The following EIF4E variants were observed in gnomAD, a reference collection of about 807,000 sequenced individuals.
EIF4E encodes the protein eukaryotic translation initiation factor 4E.
For synonymous variants in EIF4E, 71 were observed against 88.5 expected, an observed-to-expected ratio of 0.80 and a Z score of 1.11; for missense variants, 113 against 265.6, an observed-to-expected ratio of 0.43 and a Z score of 3.99.
At chr4:98,914,775 C>T (rs1467804656) in intron 1 of EIF4E, among the ~76,000 whole-genome samples, 1 of 152,080 alleles carries the variant, frequency 6.6e-6, no homozygotes, top group African/African-American at 2.4e-5. Flanking sequence ...AAAGTATGAA[C>T]TTTGGGTGAC....
intron 1 of EIF4E, among the ~76,000 whole-genome samples, chr4:98,924,246 G>A (rs975643913): frequency 6.6e-6 from 1 of 151,882 alleles, no homozygotes; most frequent in Non-Finnish European, 1.5e-5. Context: ...GCCCAGCTAA[G>A]TTTTGTATTT....
At chr4:98,895,937 C>A (rs1192333225) in intron 2 of EIF4E, among the ~76,000 whole-genome samples, 3 of 152,150 alleles carry the variant, frequency 2.0e-5, no homozygotes, top group Non-Finnish European at 4.4e-5. Flanking sequence ...GTGGCTCACG[C>A]CCGTAATCCC....
rs193016022 is a variant in EIF4E at position 98,926,690 on chromosome 4, A to G, written c.18+2405T>C. Among the ~76,000 whole-genome samples, 179 of 152,352 alleles carry G rather than the reference A, an allele frequency of 1.2e-3. 1 individual carries two copies. The highest frequency in any genetic ancestry group is 6.8e-3 in the Middle Eastern group (2 of 292). ...TTTAAACATAACATCCAAATCTCCC[A>G]AAGTCTGTACCAGAACAAATACTGT... On this transcript the variant is annotated intron_variant, in intron 1 of 6. Transcript: ENST00000450253.
At chr4:98,884,628 C>G (rs969876375) in intron 6 of EIF4E, among the ~76,000 whole-genome samples, 1 of 152,006 alleles carries the variant, frequency 6.6e-6, no homozygotes. Context: ...CTCCTGAACC[C>G]GGGAGGCGGA....
In EIF4E at chr4:98,880,940, A is replaced by T; in HGVS notation, c.*88T>A. On this transcript the variant is annotated 3_prime_UTR_variant, in exon 7 of 7. Transcript: ENST00000450253. ...TGGAAATCAAATTTAAATGCAGTCC[A>T]CTCTGCTTTTTGAAGAGGCTTTGGT... 6.5e-7 allele frequency: 1 copy of T among 1,538,064 alleles called. No individual in the cohort carries two copies. The highest frequency in any genetic ancestry group is 8.8e-7 in the Non-Finnish European group (1 of 1,137,732).
chr4:98,906,645 A>G (rs561120430), intron 1 of EIF4E, among the ~76,000 whole-genome samples: 1 of 152,272 alleles, frequency 6.6e-6, no homozygotes, highest in East Asian at 1.9e-4. Flanking sequence ...AGGAGTTCTA[A>G]GGCTGCGGTG....
Position 98,885,070 on chromosome 4 carries a change from A to G in EIF4E, c.400-9T>C, listed in dbSNP as rs760805893. 3 of 1,609,822 alleles carry G rather than the reference A, an allele frequency of 1.9e-6. No homozygotes were observed. Among genetic ancestry groups the G allele is most frequent in the African/African-American group, 1.3e-5 (1 of 74,744 alleles). ...CCAATAAGGCACAGAAGCTTAAAAAAAAATCCCAAATTACATTTAATAGAT... is the reference window on the plus strand; with the variant it reads ...CCAATAAGGCACAGAAGCTTAAAAAGAAATCCCAAATTACATTTAATAGAT... On this transcript the variant is annotated splice_polypyrimidine_tract_variant and intron_variant, in intron 5 of 6. Coordinates refer to ENST00000450253, the MANE Select transcript of EIF4E (RefSeq NM_001968.5).
Position 98,887,750 on chromosome 4 carries a change from TA to T in EIF4E, c.285+138del. On this transcript the variant is annotated intron_variant, in intron 4 of 6. Coordinates refer to ENST00000450253, the MANE Select transcript of EIF4E (RefSeq NM_001968.5). The surrounding 1 kb of genome is among the most constrained non-coding windows in gnomAD (Gnocchi z 4.0). Reference sequence around the variant, plus strand: ...CAAATAGAATAAGATATATTGATACTAAAGCATACTACAGCCAATTAAATTA... The same window carrying T: ...CAAATAGAATAAGATATATTGATACTAAGCATACTACAGCCAATTAAATTA... 1 of 732,812 alleles carries T rather than the reference TA, an allele frequency of 1.4e-6. No individual in the cohort carries two copies. Among genetic ancestry groups the T allele is most frequent in the Non-Finnish European group, 2.3e-6 (1 of 427,830 alleles). 45.4% of individuals were successfully genotyped at this position (732,812 alleles called of 1,614,324 possible).
intron 3 of EIF4E, among the ~76,000 whole-genome samples, chr4:98,888,181 C>G (rs942798391): frequency 4.6e-5 from 7 of 152,056 alleles, no homozygotes; most frequent in African/African-American, 1.7e-4. Flanking sequence ...AGTGACTGCT[C>G]TGACAAAAAT....
In EIF4E at chr4:98,879,405, C is replaced by A. The variant is rs1031265245; in HGVS notation, c.*1623G>T. 6.6e-6 allele frequency: 1 copy of A among 152,128 alleles called. No homozygotes were observed. Among genetic ancestry groups the A allele is most frequent in the Non-Finnish European group, 1.5e-5 (1 of 68,002 alleles). The allele number at this position is 152,128 out of a possible 1,614,324, so 9.4% of individuals were successfully genotyped here. A position where few individuals can be genotyped will look rare whatever the true frequency, so the allele number is the denominator to read the frequency against. On this transcript the variant is annotated 3_prime_UTR_variant, in exon 7 of 7. Transcript: ENST00000450253. ...ATAATAATTTCCATTCTGCTACCTACAGTTTGGCTTATCCTTTGGTCTGAT... is the reference window on the plus strand; with the variant it reads ...ATAATAATTTCCATTCTGCTACCTAAAGTTTGGCTTATCCTTTGGTCTGAT...
intron 1 of EIF4E, among the ~76,000 whole-genome samples, chr4:98,902,937 C>G (rs947854158): frequency 6.6e-6 from 1 of 152,202 alleles, no homozygotes; most frequent in African/African-American, 2.4e-5. Flanking sequence ...TCATGGCATA[C>G]TGTTTACCCT....
At chr4:98,883,120 T>C (rs1723767762) in intron 6 of EIF4E, among the ~76,000 whole-genome samples, 1 of 151,996 alleles carries the variant, frequency 6.6e-6, no homozygotes, top group Admixed American at 6.6e-5. Context: ...ACCCTGTCTC[T>C]ACAAAAACTA....
chr4:98,894,689 T>C (rs1430750241), intron 2 of EIF4E, among the ~76,000 whole-genome samples: 1 of 152,226 alleles, frequency 6.6e-6, no homozygotes, highest in Non-Finnish European at 1.5e-5. Context: ...ACTTACTCTA[T>C]ATCAGCAATA....
At chr4:98,884,691 G>A (rs1375330368) in intron 6 of EIF4E, among the ~76,000 whole-genome samples, 1 of 152,070 alleles carries the variant, frequency 6.6e-6, no homozygotes, top group African/African-American at 2.4e-5. Flanking sequence ...CTGGACAACA[G>A]AGTGAGACTC....
chr4:98,905,064 A>G (rs1724811897), intron 1 of EIF4E, among the ~76,000 whole-genome samples: 1 of 152,104 alleles, frequency 6.6e-6, no homozygotes, highest in African/African-American at 2.4e-5. Flanking sequence ...ATTGCTTCCT[A>G]TAGACACTAA....
chr4:98,901,442 G>A (rs1477698091), intron 2 of EIF4E, among the ~76,000 whole-genome samples: 5 of 151,332 alleles, frequency 3.3e-5, no homozygotes, highest in African/African-American at 1.2e-4. Flanking sequence ...CAGGTGATCC[G>A]CCCGCCTCCG....
chr4:98,894,594 G>C (rs1724287051), intron 2 of EIF4E, among the ~76,000 whole-genome samples: 1 of 152,186 alleles, frequency 6.6e-6, no homozygotes, highest in South Asian at 2.1e-4. Flanking sequence ...TCATAACACT[G>C]AACAGAGTTA....
intron 1 of EIF4E, 42 bp from the exon 2 acceptor site, chr4:98,902,024 C>A (rs1724672849): frequency 1.3e-6 from 2 of 1,540,626 alleles, no homozygotes; most frequent in Non-Finnish European, 1.8e-6. Flanking sequence ...AATGTCTTAA[C>A]ACATCTATGA....
chr4:98,881,541 A>T (rs1199225445), intron 6 of EIF4E, among the ~76,000 whole-genome samples: 1 of 152,076 alleles, frequency 6.6e-6, no homozygotes. Flanking sequence ...ACAGACCTGT[A>T]TCACATGCAT....
Sources: allele counts gnomAD v4.1 joint callset (sites outside exome capture counted in the v4.1 genomes callset), GRCh38; gene constraint gnomAD v4.1.1; non-coding constraint Gnocchi (gnomAD v3.1); transcripts MANE v1.5; gene names NCBI Gene and HGNC (gene_info 2026-07-23, HGNC 2026-07-21).